WASL: variants seen among roughly 807,000 people sequenced by gnomAD.
WASL encodes the protein actin nucleation-promoting factor WASL.
A neutral mutation model predicts 55.5 loss-of-function variants in WASL; 20 were observed. The ratio of observed to expected loss-of-function variants is 0.36; its 90% confidence interval spans 0.25 to 0.52. The LOEUF (loss-of-function observed/expected upper bound fraction) is 0.52, where lower values mean the gene tolerates loss of function less well. Ranked by LOEUF, WASL falls within the 20% of genes least tolerant of loss-of-function variation. WASL has a pLI of 0.92. For missense variants in WASL, 504 were observed against 622.5 expected, an observed-to-expected ratio of 0.81 and a Z score of 2.03; for synonymous variants, 249 against 217.6, an observed-to-expected ratio of 1.14 and a Z score of -1.27.
chr7:123,684,696 A>T, intron 10 of WASL, 116 bp from the exon 11 acceptor site: 1 of 938,950 alleles, frequency 1.1e-6, no homozygotes. Context: ...GACTCCCAGA[A>T]GAATCTAGTT....
At chr7:123,709,404 T>TA (rs1265849323) in intron 1 of WASL, among the ~76,000 whole-genome samples, 181 bp from the exon 2 acceptor site, 1 of 152,242 alleles carries the variant, frequency 6.6e-6, no homozygotes, top group African/African-American at 2.4e-5. Flanking sequence ...AGTAATTTCT[T>TA]ATGTAGTAAT....
chr7:123,718,930 A>G (rs1402976353), intron 1 of WASL, among the ~76,000 whole-genome samples: 1 of 152,240 alleles, frequency 6.6e-6, no homozygotes, highest in Non-Finnish European at 1.5e-5. Context: ...TGTGGCAGGC[A>G]TAATGCCAGG....
chr7:123,731,503 A>G (rs975630348), intron 1 of WASL, among the ~76,000 whole-genome samples: 2 of 152,190 alleles, frequency 1.3e-5, no homozygotes, highest in African/African-American at 4.8e-5. Context: ...AGTACAATAC[A>G]CATTCTTCTC....
intron 10 of WASL, among the ~76,000 whole-genome samples, chr7:123,688,165 G>A: frequency 6.6e-6 from 1 of 152,150 alleles, no homozygotes; most frequent in East Asian, 1.9e-4. Context: ...ATATTTATAT[G>A]GTGGTATGTA....
chr7:123,715,578 T>C (rs189124499), intron 1 of WASL, among the ~76,000 whole-genome samples: 3 of 152,346 alleles, frequency 2.0e-5, no homozygotes, highest in East Asian at 1.9e-4. Context: ...AGCAGTATAG[T>C]TATGACAAAT....
intron 10 of WASL, among the ~76,000 whole-genome samples, chr7:123,685,062 C>T (rs1803265064): frequency 1.3e-5 from 2 of 151,828 alleles, no homozygotes; most frequent in Admixed American, 6.6e-5. Context: ...TCCTTTTTCA[C>T]GATCCAATTA....
chr7:123,705,048 T>C (rs1025036525), intron 4 of WASL, among the ~76,000 whole-genome samples: 1 of 152,200 alleles, frequency 6.6e-6, no homozygotes, highest in African/African-American at 2.4e-5. Context: ...TAACCTAATC[T>C]ACAATTCTAA....
At chr7:123,690,133 A>G (rs1275429812) in intron 9 of WASL, among the ~76,000 whole-genome samples, 1 of 152,218 alleles carries the variant, frequency 6.6e-6, no homozygotes, top group Non-Finnish European at 1.5e-5. Flanking sequence ...TTTCTGCACA[A>G]GGCTCTCAAG....
chr7:123,706,765 C>A lies in WASL; in HGVS notation c.314G>T (p.Gly105Val). ...ATCTCCAGCAAAGGTATGAAAATAT[C>A]CTCTAGGACTATTATATACAAAGTT... ...YNNFVYNSPRGYFHTFAGDTC... is the reference protein window; with the variant it reads ...YNNFVYNSPRVYFHTFAGDTC... Residue 105 changes from glycine (G) to valine (V), a missense_variant, in exon 3 of 11, where the codon GGA becomes GTA. Coordinates refer to ENST00000223023, the MANE Select transcript of WASL (RefSeq NM_003941.4). 1 of 1,578,698 alleles carries A rather than the reference C, an allele frequency of 6.3e-7. No homozygotes were observed. The highest frequency in any genetic ancestry group is 8.6e-7 in the Non-Finnish European group (1 of 1,168,456).
chr7:123,700,600 T>C (rs183517380), intron 5 of WASL, among the ~76,000 whole-genome samples: 1 of 152,178 alleles, frequency 6.6e-6, no homozygotes, highest in African/African-American at 2.4e-5. Context: ...CCACTAAGCC[T>C]GGCTAATTTT....
intron 1 of WASL, among the ~76,000 whole-genome samples, chr7:123,729,199 G>A (rs1292557174): frequency 6.6e-6 from 1 of 151,952 alleles, no homozygotes. Flanking sequence ...TTTATATACT[G>A]AATATATTAA....
At chr7:123,708,437 G>T (rs1803705398) in intron 2 of WASL, among the ~76,000 whole-genome samples, 2 of 152,124 alleles carry the variant, frequency 1.3e-5, no homozygotes, top group South Asian at 4.1e-4. Context: ...TATTAATCAT[G>T]GAGGCTTACT....
At chr7:123,738,952 G>T (rs189858520) in intron 1 of WASL, among the ~76,000 whole-genome samples, 25 of 152,030 alleles carry the variant, frequency 1.6e-4, no homozygotes, top group Admixed American at 1.3e-3. Context: ...AATTTGGATT[G>T]GGCCACCTTC....
chr7:123,714,458 G>A (rs1323274962), intron 1 of WASL, among the ~76,000 whole-genome samples: 1 of 152,156 alleles, frequency 6.6e-6, no homozygotes, highest in Non-Finnish European at 1.5e-5. Flanking sequence ...GAGGAATGAA[G>A]GAGGAAAACC....
intron 9 of WASL, among the ~76,000 whole-genome samples, chr7:123,689,900 A>AATT (rs55664926): frequency 0.46 from 69,259 of 151,738 alleles, 16,048 homozygotes; most frequent in South Asian, 0.66. Flanking sequence ...TCCCAAAGAC[A>AATT]ATTTTATTTA....
At chr7:123,706,615 C>T in intron 3 of WASL, 125 bp downstream of exon 3, 2 of 841,464 alleles carry the variant, frequency 2.4e-6, no homozygotes, top group Non-Finnish European at 1.8e-6. Context: ...AATATTTCAT[C>T]TTCAGCAAAA....
intron 1 of WASL, among the ~76,000 whole-genome samples, chr7:123,730,050 AGAGTT>A (rs1232557046): frequency 6.6e-6 from 1 of 152,186 alleles, no homozygotes; most frequent in Non-Finnish European, 1.5e-5. Flanking sequence ...GTATAGTGAA[AGAGTT>A]GAGTGAAATA....
At chr7:123,727,749 A>C (rs1462940382) in intron 1 of WASL, among the ~76,000 whole-genome samples, 1 of 152,102 alleles carries the variant, frequency 6.6e-6, no homozygotes, top group Non-Finnish European at 1.5e-5. Flanking sequence ...GTATGGTCAT[A>C]CTCTGTATCA....
At chr7:123,697,586 G>C (rs1803513015) in intron 5 of WASL, among the ~76,000 whole-genome samples, 1 of 152,182 alleles carries the variant, frequency 6.6e-6, no homozygotes, top group African/African-American at 2.4e-5. Context: ...ATGGTTCTCT[G>C]ACAAATCCTC....
Sources: gnomAD v4.1 joint callset for allele counts (sites outside exome capture counted in the v4.1 genomes callset) on GRCh38, gnomAD v4.1.1 for gene constraint, MANE v1.5 for transcripts, NCBI Gene and HGNC (gene_info 2026-07-23, HGNC 2026-07-21) for gene names.